The following SAMD3 variants were observed in gnomAD, a reference collection of about 807,000 sequenced individuals.
The protein encoded by SAMD3 is sterile alpha motif domain-containing protein 3.
Under a neutral mutation model 58.5 loss-of-function variants are expected in SAMD3, and 63 were observed. That is an observed-to-expected ratio of 1.08 (90% CI 0.88 to 1.33). The LOEUF (loss-of-function observed/expected upper bound fraction) is 1.33. Ranked by LOEUF, SAMD3 falls within the 40% of genes most tolerant of loss-of-function variation. The pLI is 0.00. For synonymous variants in SAMD3, 220 were observed against 210.3 expected (o/e 1.05, Z -0.40); for missense variants, 604 against 608.4 (o/e 0.99, Z 0.08).
intron 2 of SAMD3, among the ~76,000 whole-genome samples, chr6:130,309,984 C>T (rs1199894325): frequency 6.6e-6 from 1 of 152,108 alleles, no homozygotes; most frequent in Non-Finnish European, 1.5e-5. Flanking sequence ...ACAGGTAATT[C>T]TGTTATTCAA....
chr6:130,333,532 A>AGTATATATTT (rs1777006646), intron 1 of SAMD3, among the ~76,000 whole-genome samples: 1 of 152,220 alleles, frequency 6.6e-6, no homozygotes, highest in South Asian at 2.1e-4. Flanking sequence ...TTATATTGTT[A>AGTATATATTT]AATAGACTTG....
intron 2 of SAMD3, among the ~76,000 whole-genome samples, chr6:130,233,616 C>A (rs1274920584): frequency 1.3e-5 from 2 of 152,126 alleles, no homozygotes; most frequent in East Asian, 3.9e-4. Context: ...CTTTAAAAAG[C>A]AAGACAGGCT....
At chr6:130,193,305 G>T (rs1793729454) in intron 5 of SAMD3, among the ~76,000 whole-genome samples, 1 of 151,886 alleles carries the variant, frequency 6.6e-6, no homozygotes, top group South Asian at 2.1e-4. Context: ...ACTTTTCTGG[G>T]GGAGGGGCAA....
Position 130,215,295 on chromosome 6 carries a change from C to T in SAMD3, c.-21-1G>A, listed in dbSNP as rs1210768140. ...CCATTGCTGTCTCCTGTAAATACACCTGTAGAGCAAAAGGTCAGAGAATTC... is the reference window on the plus strand; with the variant it reads ...CCATTGCTGTCTCCTGTAAATACACTTGTAGAGCAAAAGGTCAGAGAATTC... On this transcript the variant is annotated splice_acceptor_variant, in intron 2 of 11. Transcript: ENST00000439090. LOFTEE classifies it low-confidence loss of function (5UTR_SPLICE). The T allele has an allele frequency of 2.6e-6, 4 of 1,556,318 alleles. No homozygotes were observed. The highest frequency in any genetic ancestry group is 2.3e-5 in the East Asian group (1 of 43,540).
At chr6:130,169,990 A>G (rs1287921374) in intron 8 of SAMD3, among the ~76,000 whole-genome samples, 1 of 144,620 alleles carries the variant, frequency 6.9e-6, no homozygotes, top group Admixed American at 6.6e-5. Context: ...AATGTTTGAG[A>G]AAAGTAACTT....
chr6:130,345,175 G>A (rs1455778795), intron 1 of SAMD3, among the ~76,000 whole-genome samples: 7 of 152,212 alleles, frequency 4.6e-5, no homozygotes, highest in African/African-American at 1.7e-4. Flanking sequence ...CAGGGAATGG[G>A]AGTGGAGGTG....
chr6:130,207,460 A>G (rs2114814917), intron 5 of SAMD3, among the ~76,000 whole-genome samples: 1 of 152,272 alleles, frequency 6.6e-6, no homozygotes, highest in Non-Finnish European at 1.5e-5. Context: ...TAGGGTAGGT[A>G]GCACTGGGGC....
At chr6:130,259,243 C>T (rs1774027243) in intron 2 of SAMD3, among the ~76,000 whole-genome samples, 1 of 152,114 alleles carries the variant, frequency 6.6e-6, no homozygotes, top group Non-Finnish European at 1.5e-5. Flanking sequence ...GTTTATTTGG[C>T]TTATGATTCT....
At chr6:130,199,720 A>G (rs929554416) in intron 5 of SAMD3, among the ~76,000 whole-genome samples, 3 of 152,204 alleles carry the variant, frequency 2.0e-5, no homozygotes, top group Admixed American at 1.3e-4. Flanking sequence ...CTCTGAAGAT[A>G]TTGAACAATG....
intron 2 of SAMD3, among the ~76,000 whole-genome samples, chr6:130,255,384 G>T (rs1773888963): frequency 6.6e-6 from 1 of 152,116 alleles, no homozygotes. Context: ...GCTCATTGTT[G>T]ATAATAGGGT....
chr6:130,252,323 T>C (rs1435867138), intron 2 of SAMD3, among the ~76,000 whole-genome samples: 4 of 152,192 alleles, frequency 2.6e-5, no homozygotes, highest in Non-Finnish European at 5.9e-5. Flanking sequence ...AGACAGCATA[T>C]AATTAGAGTA....
chr6:130,275,428 C>G (rs1033181264), intron 2 of SAMD3, among the ~76,000 whole-genome samples: 3 of 152,128 alleles, frequency 2.0e-5, no homozygotes, highest in Non-Finnish European at 4.4e-5. Context: ...AAATCCCAAA[C>G]AGTTCAGAAA....
At chr6:130,337,345 C>A (rs1022505719) in intron 1 of SAMD3, among the ~76,000 whole-genome samples, 4 of 152,168 alleles carry the variant, frequency 2.6e-5, no homozygotes, top group African/African-American at 9.7e-5. Context: ...TTTCCTGAGG[C>A]CTCCTCAGCC....
At chr6:130,195,095 T>G (rs1457762035) in intron 5 of SAMD3, among the ~76,000 whole-genome samples, 1 of 152,150 alleles carries the variant, frequency 6.6e-6, no homozygotes, top group African/African-American at 2.4e-5. Flanking sequence ...CCAGTTCCCT[T>G]ATTAGGCTGA....
At chr6:130,154,434 CTG>C (rs1221888487) in intron 9 of SAMD3, among the ~76,000 whole-genome samples, 2 of 151,820 alleles carry the variant, frequency 1.3e-5, no homozygotes, top group Admixed American at 6.6e-5. Context: ...CATTTGGACA[CTG>C]TAATCCCAGC....
At chr6:130,164,391 G>T (rs543587697) in intron 8 of SAMD3, among the ~76,000 whole-genome samples, 45 of 152,272 alleles carry the variant, frequency 3.0e-4, no homozygotes, top group African/African-American at 9.4e-4. Context: ...ACAAATGGCA[G>T]TAACTCTCAT....
At chr6:130,239,650 A>C (rs752359020) in intron 2 of SAMD3, among the ~76,000 whole-genome samples, 8 of 152,206 alleles carry the variant, frequency 5.3e-5, no homozygotes, top group Non-Finnish European at 1.0e-4. Context: ...CAACTGGGTC[A>C]CTTGTCTGAG....
chr6:130,167,584 G>A (rs908748414), intron 8 of SAMD3, among the ~76,000 whole-genome samples: 16 of 152,306 alleles, frequency 1.1e-4, no homozygotes, highest in Middle Eastern at 3.4e-3. Context: ...AAATTACTCA[G>A]TTAAGTGTAC....
At chr6:130,337,875 T>G (rs964238834) in intron 1 of SAMD3, among the ~76,000 whole-genome samples, 6 of 152,184 alleles carry the variant, frequency 3.9e-5, no homozygotes, top group Non-Finnish European at 7.3e-5. Flanking sequence ...TTTGGAAAAT[T>G]TACAGCTTGA....
Sources: allele counts gnomAD v4.1 joint callset (sites outside exome capture counted in the v4.1 genomes callset), GRCh38; gene constraint gnomAD v4.1.1; transcripts MANE v1.5; gene names NCBI Gene and HGNC (gene_info 2026-07-23, HGNC 2026-07-21).